Variants in CCDC158 observed in about 807,000 individuals in gnomAD.
The protein encoded by CCDC158 is coiled-coil domain containing 158, also known as coiled-coil domain-containing protein 158.
A neutral mutation model predicts 138.6 loss-of-function variants in CCDC158; 116 were observed. That is an observed-to-expected ratio of 0.84 (90% confidence interval 0.72 to 0.98). The LOEUF (loss-of-function observed/expected upper bound fraction) is 0.98. Among genes scored for constraint, CCDC158 ranks in the 50% least tolerant of loss-of-function variants. CCDC158 has a pLI of 0.00. For missense variants in CCDC158, 1,265 were observed against 1,306.1 expected, an observed-to-expected ratio of 0.97 and a Z score of 0.48; for synonymous variants, 436 against 442.4, an observed-to-expected ratio of 0.99 and a Z score of 0.18.
At chr4:76,397,169 G>C (rs1204744250) in intron 3 of CCDC158, among the ~76,000 whole-genome samples, 2 of 151,974 alleles carry the variant, frequency 1.3e-5, no homozygotes, top group Non-Finnish European at 2.9e-5. Flanking sequence ...AGAAGGAAGA[G>C]TGTATGTGTT....
intron 4 of CCDC158, 79 bp from the exon 5 acceptor site, chr4:76,384,744 A>G: frequency 3.2e-6 from 3 of 924,648 alleles, no homozygotes; most frequent in Non-Finnish European, 5.1e-6. Context: ...AAAGATCTAT[A>G]TATATTTTCA....
chr4:76,390,495 A>G (rs1727214867), intron 4 of CCDC158, among the ~76,000 whole-genome samples: 1 of 152,014 alleles, frequency 6.6e-6, no homozygotes, highest in Non-Finnish European at 1.5e-5. Context: ...GCTTAAAAAT[A>G]AAGAAATCAA....
intron 22 of CCDC158, among the ~76,000 whole-genome samples, chr4:76,328,351 TGTCTCACAGGG>T (rs1251144121): frequency 2.0e-5 from 3 of 152,258 alleles, no homozygotes; most frequent in Admixed American, 1.3e-4. Context: ...GCACAGCTCT[TGTCTCACAGGG>T]GTGACACAGT....
intron 18 of CCDC158, among the ~76,000 whole-genome samples, chr4:76,336,543 T>C (rs1417697909): frequency 1.3e-5 from 2 of 152,196 alleles, no homozygotes; most frequent in Non-Finnish European, 2.9e-5. Context: ...GGCCTTTGCT[T>C]GATCACCAAA....
At chr4:76,316,416 A>C (rs888318938) in intron 24 of CCDC158, among the ~76,000 whole-genome samples, 1 of 152,214 alleles carries the variant, frequency 6.6e-6, no homozygotes, top group African/African-American at 2.4e-5. Flanking sequence ...ACAAAGAAAA[A>C]AGAATTTAAT....
At chr4:76,349,269 A>G (rs770787997) in intron 18 of CCDC158, among the ~76,000 whole-genome samples, 4 of 152,246 alleles carry the variant, frequency 2.6e-5, no homozygotes, top group Non-Finnish European at 5.9e-5. Flanking sequence ...ATTGTGTAAA[A>G]TTATATAATA....
chr4:76,332,388 T>C (rs762004047), intron 20 of CCDC158, 44 bp downstream of exon 20: 1 of 1,514,118 alleles, frequency 6.6e-7, no homozygotes, highest in South Asian at 1.1e-5. Flanking sequence ...ACATATAAAA[T>C]ATTTGGACAA....
Position 76,367,282 on chromosome 4 carries a change from A to C in CCDC158, c.1830+12T>G, listed in dbSNP as rs750132432. Reference sequence around the variant, plus strand: ...TATTTCAGAAGTTAAATCACAAAAAAACTCTACAGACCTTAAGTTCCTTTA... The same window carrying C: ...TATTTCAGAAGTTAAATCACAAAAACACTCTACAGACCTTAAGTTCCTTTA... On this transcript the variant is annotated intron_variant, in intron 12 of 24. Coordinates refer to ENST00000682701, the MANE Select transcript of CCDC158 (RefSeq NM_001394954.1). 2 of 1,597,058 alleles carry C rather than the reference A, an allele frequency of 1.3e-6. No individual in the cohort carries two copies. Among genetic ancestry groups the C allele is most frequent in the Non-Finnish European group, 8.5e-7 (1 of 1,171,200 alleles).
chr4:76,421,492 T>C (rs1579138435), upstream of CCDC158, among the ~76,000 whole-genome samples: 1 of 152,000 alleles, frequency 6.6e-6, no homozygotes, highest in South Asian at 2.1e-4. Context: ...TCCTAACTGG[T>C]CTCCGGCCCT....
chr4:76,326,521 GC>G (rs2110088404), intron 22 of CCDC158, among the ~76,000 whole-genome samples: 1 of 152,228 alleles, frequency 6.6e-6, no homozygotes, highest in East Asian at 1.9e-4. Flanking sequence ...GATTCAAGCA[GC>G]ATTACTTCAA....
intron 11 of CCDC158, among the ~76,000 whole-genome samples, 175 bp downstream of exon 11, chr4:76,369,249 AAT>A (rs1246399826): frequency 6.6e-6 from 1 of 152,162 alleles, no homozygotes; most frequent in African/African-American, 2.4e-5. Context: ...CAAAAAATGA[AAT>A]AAAATGAAAA....
chr4:76,384,785 C>G, intron 4 of CCDC158, 120 bp from the exon 5 acceptor site: 1 of 666,530 alleles, frequency 1.5e-6, no homozygotes, highest in Non-Finnish European at 2.6e-6. Context: ...CCTTCCCTCA[C>G]TGCTGCAGTT....
At chr4:76,382,470 G>T in intron 8 of CCDC158, 140 bp downstream of exon 8, 1 of 610,148 alleles carries the variant, frequency 1.6e-6, no homozygotes, top group Non-Finnish European at 2.9e-6. Flanking sequence ...AATACTTCCT[G>T]TTCATTTAAA....
intron 21 of CCDC158, 35 bp downstream of exon 21, chr4:76,331,309 G>C: frequency 3.8e-6 from 6 of 1,570,952 alleles, no homozygotes; most frequent in Non-Finnish European, 5.3e-6. Context: ...AGTCGTAAAA[G>C]GGACATTTTG....
chr4:76,335,164 T>C (rs1215667401), intron 18 of CCDC158, among the ~76,000 whole-genome samples: 3 of 152,200 alleles, frequency 2.0e-5, no homozygotes, highest in Non-Finnish European at 4.4e-5. Context: ...TTTGACTTCA[T>C]TTGCTTAAAA....
intron 18 of CCDC158, among the ~76,000 whole-genome samples, chr4:76,334,956 A>G (rs1721337579): frequency 1.3e-5 from 2 of 152,196 alleles, no homozygotes; most frequent in Admixed American, 6.5e-5. Context: ...TGTTACTGGT[A>G]TAATATAATT....
chr4:76,377,589 C>A (rs1434753844), intron 9 of CCDC158, among the ~76,000 whole-genome samples: 2 of 152,176 alleles, frequency 1.3e-5, no homozygotes, highest in African/African-American at 4.8e-5. Context: ...TCTGCCCAGA[C>A]TGGGGTGGAC....
intron 13 of CCDC158, among the ~76,000 whole-genome samples, chr4:76,359,132 A>T (rs1276751314): frequency 6.6e-6 from 1 of 151,918 alleles, no homozygotes. Flanking sequence ...CTACCATGTG[A>T]AGATGTGCTT....
At chr4:76,323,252 G>A in intron 24 of CCDC158, 50 bp downstream of exon 24, 2 of 1,334,684 alleles carry the variant, frequency 1.5e-6, no homozygotes, top group Non-Finnish European at 2.1e-6. Flanking sequence ...TGAAAAGAAG[G>A]TGAACATTCT....
Sources: gnomAD v4.1 joint callset for allele counts (sites outside exome capture counted in the v4.1 genomes callset) on GRCh38, gnomAD v4.1.1 for gene constraint, MANE v1.5 for transcripts, NCBI Gene and HGNC (gene_info 2026-07-23, HGNC 2026-07-21) for gene names.